ACTL6A: variants seen among roughly 807,000 people sequenced by gnomAD.
ACTL6A encodes actin like 6A, also known as actin-like protein 6A.
A neutral mutation model predicts 59.2 loss-of-function variants in ACTL6A; 5 were observed. The ratio of observed to expected loss-of-function variants is 0.08; its 90% CI spans 0.04 to 0.18. The LOEUF is 0.18. Ranked by LOEUF, ACTL6A falls within the 10% of genes least tolerant of loss-of-function variation. The pLI, the probability that ACTL6A is intolerant of heterozygous loss-of-function variation, is 1.00. For missense variants in ACTL6A, 285 were observed against 526.9 expected, an observed-to-expected ratio of 0.54 and a Z score of 4.49; for synonymous variants, 154 against 171.8, an observed-to-expected ratio of 0.90 and a Z score of 0.81.
intron 5 of ACTL6A, chr3:179,575,366 A>G (rs758881057): frequency 8.8e-6 from 4 of 456,382 alleles, no homozygotes; most frequent in African/African-American, 6.0e-5. Context: ...TTACATCACC[A>G]TCTTCCCTGG....
intron 5 of ACTL6A, 65 bp from the exon 6 acceptor site, chr3:179,576,152 G>T (rs977458980): frequency 1.8e-6 from 2 of 1,131,488 alleles, no homozygotes; most frequent in South Asian, 1.3e-5. Context: ...ATAAGAGCCT[G>T]CCCTTTACAA....
At chr3:179,574,504 A>T (rs780722811) in intron 5 of ACTL6A, 37 bp downstream of exon 5, 3 of 1,316,578 alleles carry the variant, frequency 2.3e-6, no homozygotes, top group Admixed American at 1.7e-5. Flanking sequence ...CTCTTGAAGT[A>T]TGTACGATAC....
chr3:179,565,871 A>T (rs1021437395), intron 1 of ACTL6A, among the ~76,000 whole-genome samples: 23 of 152,186 alleles, frequency 1.5e-4, no homozygotes, highest in Non-Finnish European at 2.9e-4. Context: ...GTATTGAAAG[A>T]TCATAGTGCA....
chr3:179,562,963 T>A lies in ACTL6A; in HGVS notation c.-130T>A. 1 of 1,259,756 alleles carries A rather than the reference T, an allele frequency of 7.9e-7. No homozygotes were observed. Among genetic ancestry groups the A allele is most frequent in the Non-Finnish European group, 1.1e-6 (1 of 892,850 alleles). The allele number at this position is 1,259,756 out of a possible 1,614,324, so 78.0% of individuals were successfully genotyped here. ...GCTCCGGGGTGTGTGGACGCCGCTT[T>A]GTTGCCTGAGGTGGGTGGCGGTGGA... On this transcript the variant is annotated 5_prime_UTR_variant, in exon 1 of 14. Transcript: ENST00000429709.
chr3:179,580,793 T>A, intron 9 of ACTL6A, 92 bp downstream of exon 9: 1 of 1,349,212 alleles, frequency 7.4e-7, no homozygotes, highest in South Asian at 1.3e-5. Flanking sequence ...ATATTCTCAC[T>A]CCCTTTTTTT....
intron 12 of ACTL6A, among the ~76,000 whole-genome samples, chr3:179,584,611 CAAA>C (rs11353729): frequency 7.2e-5 from 10 of 138,706 alleles, no homozygotes; most frequent in Non-Finnish European, 7.8e-5. Context: ...GACTCCATCT[CAAA>C]AAAAAAAAAA....
At position 179,582,537 on chromosome 3, in the gene ACTL6A, A is replaced by G. The variant is rs943266978; in HGVS notation, c.1027-816A>G. Among the ~76,000 whole-genome samples, 8 of 152,216 alleles carry G rather than the reference A, an allele frequency of 5.3e-5. No homozygotes were observed. In the East Asian group the frequency reaches 9.6e-4, roughly 18 times the overall value. ...AAAGTAGCAATAATTTTGGCGAGGA[A>G]TATGTTCAGAGTTTATCATTGTCTG... is the stretch of plus-strand genomic sequence containing the variant. On this transcript the variant is annotated intron_variant, in intron 11 of 13. Coordinates refer to ENST00000429709, the MANE Select transcript of ACTL6A (RefSeq NM_004301.5).
At chr3:179,563,263 C>T (rs1717723050) in intron 1 of ACTL6A, 146 bp downstream of exon 1, 1 of 1,347,992 alleles carries the variant, frequency 7.4e-7, no homozygotes, top group African/African-American at 1.5e-5. Context: ...CCGCCCCACG[C>T]TCTGCCCGCC....
rs1363727180 is a variant in ACTL6A, at chr3:179,576,727, GT to G, written c.678+2del. On this transcript the variant is annotated splice_donor_variant, in intron 7 of 13. Transcript: ENST00000429709. LOFTEE classifies it high-confidence loss of function. ...TCCTCCATATATGATTGCATCAAAA[GT>G]AAGTAATTATTGAATTTTCTTTGTA... 6.2e-7 allele frequency: 1 copy of G among 1,611,774 alleles called. No individual in the cohort carries two copies. Among genetic ancestry groups the G allele is most frequent in the Non-Finnish European group, 8.5e-7 (1 of 1,177,960 alleles).
intron 11 of ACTL6A, among the ~76,000 whole-genome samples, chr3:179,582,551 T>C (rs1317153169): frequency 6.6e-6 from 1 of 152,226 alleles, no homozygotes; most frequent in Non-Finnish European, 1.5e-5. Flanking sequence ...GTTCAGAGTT[T>C]ATCATTGTCT....
At chr3:179,572,982 CT>C (rs71628083) in intron 3 of ACTL6A, among the ~76,000 whole-genome samples, 106 of 138,780 alleles carry the variant, frequency 7.6e-4, no homozygotes, top group African/African-American at 1.0e-3. Flanking sequence ...ACAATTCTTT[CT>C]TTTTTTTTTT....
At chr3:179,573,331 C>T in intron 3 of ACTL6A, 38 bp from the exon 4 acceptor site, 2 of 1,337,446 alleles carry the variant, frequency 1.5e-6, no homozygotes, top group Non-Finnish European at 2.1e-6. Flanking sequence ...TCATCTTCAA[C>T]TATGCATTAT....
intron 12 of ACTL6A, among the ~76,000 whole-genome samples, chr3:179,585,519 A>C (rs552095596): frequency 1.0e-3 from 158 of 152,268 alleles, no homozygotes; most frequent in Non-Finnish European, 2.1e-3. Context: ...AGGTGATAAC[A>C]ATCTCTGAAA....
chr3:179,571,093 T>C (rs1576850483), intron 3 of ACTL6A, among the ~76,000 whole-genome samples: 1 of 151,880 alleles, frequency 6.6e-6, no homozygotes, highest in Non-Finnish European at 1.5e-5. Context: ...GATAGGAATA[T>C]AAAGGGAAGG....
chr3:179,580,753 TA>T (rs1216022777), intron 9 of ACTL6A, 52 bp downstream of exon 9: 1 of 1,436,470 alleles, frequency 7.0e-7, no homozygotes, highest in Non-Finnish European at 9.5e-7. Flanking sequence ...AGGATTTGTT[TA>T]AAAAATACTT....
intron 1 of ACTL6A, among the ~76,000 whole-genome samples, chr3:179,563,992 G>A (rs368701805): frequency 6.6e-6 from 1 of 152,160 alleles, no homozygotes; most frequent in Non-Finnish European, 1.5e-5. Flanking sequence ...ATTCCTAGCC[G>A]ATGGGGGTGG....
intron 11 of ACTL6A, among the ~76,000 whole-genome samples, chr3:179,581,703 C>T (rs1167463919): frequency 1.3e-5 from 2 of 152,194 alleles, no homozygotes; most frequent in African/African-American, 4.8e-5. Context: ...GTAACTTTTA[C>T]ATGAAGTTTA....
chr3:179,571,001 G>A (rs1472846868), intron 3 of ACTL6A, among the ~76,000 whole-genome samples: 1 of 152,138 alleles, frequency 6.6e-6, no homozygotes, highest in Non-Finnish European at 1.5e-5. Flanking sequence ...AATGATCGAG[G>A]GAGTGAAAGC....
At chr3:179,565,799 C>T (rs536430436) in intron 1 of ACTL6A, among the ~76,000 whole-genome samples, 1 of 152,078 alleles carries the variant, frequency 6.6e-6, no homozygotes, top group Non-Finnish European at 1.5e-5. Context: ...TGAGAAACCA[C>T]GGAATGATTC....
Sources: allele counts gnomAD v4.1 joint callset (sites outside exome capture counted in the v4.1 genomes callset), GRCh38; gene constraint gnomAD v4.1.1; transcripts MANE v1.5; gene names NCBI Gene and HGNC (gene_info 2026-07-23, HGNC 2026-07-21).